The following DOCK4 variants were observed in gnomAD, a reference collection of about 807,000 sequenced individuals.
The protein encoded by DOCK4 is dedicator of cytokinesis protein 4.
Under a neutral mutation model 268.1 loss-of-function variants are expected in DOCK4, and 97 were observed. The observed-to-expected ratio is 0.36, with a 90% CI of 0.31 to 0.43. DOCK4 has a LOEUF of 0.43. Among genes scored for constraint, DOCK4 ranks in the 20% least tolerant of loss-of-function variants. The pLI is 1.00. For synonymous variants in DOCK4, 954 were observed against 887.2 expected, an observed-to-expected ratio of 1.08 and a Z score of -1.34; for missense variants, 2,145 against 2,455.7, an observed-to-expected ratio of 0.87 and a Z score of 2.67.
At chr7:111,929,745 C>G (rs1161580822) in intron 12 of DOCK4, among the ~76,000 whole-genome samples, 1 of 149,224 alleles carries the variant, frequency 6.7e-6, no homozygotes, top group Non-Finnish European at 1.5e-5. Context: ...AAAAGTATAG[C>G]TGGCAGGAAT....
At chr7:111,951,827 G>A (rs2134883254) in intron 8 of DOCK4, among the ~76,000 whole-genome samples, 1 of 151,978 alleles carries the variant, frequency 6.6e-6, no homozygotes, top group South Asian at 2.1e-4. Context: ...TCGCACCACT[G>A]TACTCCAGTG....
intron 1 of DOCK4, among the ~76,000 whole-genome samples, chr7:112,125,195 T>C (rs1813097025): frequency 6.6e-6 from 1 of 152,172 alleles, no homozygotes; most frequent in Non-Finnish European, 1.5e-5. Flanking sequence ...TGAATTAAAT[T>C]ACAGTGTGTC....
At chr7:111,742,284 G>T (rs1163208729) in intron 44 of DOCK4, among the ~76,000 whole-genome samples, 152 bp from the exon 45 acceptor site, 1 of 152,198 alleles carries the variant, frequency 6.6e-6, no homozygotes, top group Non-Finnish European at 1.5e-5. Flanking sequence ...CTTTACAGGT[G>T]AAGAAAAACT....
chr7:112,147,795 ATTTTTTTTTTTTTT>A (rs553280609), intron 1 of DOCK4, among the ~76,000 whole-genome samples: 11 of 102,860 alleles, frequency 1.1e-4, no homozygotes, highest in African/African-American at 3.4e-4. Context: ...GCAAACGTAG[ATTTTTTTTTTTTTT>A]TTTTTTTTTT....
chr7:112,104,623 T>C (rs746753392), intron 1 of DOCK4, among the ~76,000 whole-genome samples: 3 of 152,172 alleles, frequency 2.0e-5, no homozygotes, highest in Non-Finnish European at 4.4e-5. Flanking sequence ...GAGAGCATAA[T>C]TTGAATGGAC....
At chr7:111,870,312 CTTTTTCTTTTCTTTTTTT>C (rs1291392844) in intron 20 of DOCK4, among the ~76,000 whole-genome samples, 1 of 146,958 alleles carries the variant, frequency 6.8e-6, no homozygotes, top group Non-Finnish European at 1.5e-5. Context: ...TCTCTTTTTT[CTTTTTCTTTTCTTTTTTT>C]TTTTTTTTTT....
chr7:112,108,550 T>A (rs1033102039), intron 1 of DOCK4, among the ~76,000 whole-genome samples: 3 of 152,228 alleles, frequency 2.0e-5, no homozygotes, highest in African/African-American at 7.2e-5. Flanking sequence ...TGGGTCACCC[T>A]GCTGGCAATA....
At chr7:112,111,297 G>A (rs185113927) in intron 1 of DOCK4, among the ~76,000 whole-genome samples, 4 of 152,268 alleles carry the variant, frequency 2.6e-5, no homozygotes, top group African/African-American at 9.6e-5. Flanking sequence ...GAGGATGCTA[G>A]GGGTATGACC....
Position 111,729,573 on chromosome 7 carries a change from A to G in DOCK4, c.5482-853T>C, listed in dbSNP as rs1220445337. On this transcript the variant is annotated intron_variant, in intron 52 of 52. Transcript: ENST00000428084. ...AAAAAATAAATAAAGGTATCCACCA[A>G]GATAATCTGGAGGCACACATTAGTC... Among the ~76,000 whole-genome samples the G allele has an allele frequency of 2.6e-5, 4 of 152,248 alleles. No individual in the cohort carries two copies. The South Asian group carries it at 8.3e-4, about 32-fold the overall frequency.
chr7:112,046,020 A>G (rs757273636), intron 1 of DOCK4, among the ~76,000 whole-genome samples: 2 of 152,220 alleles, frequency 1.3e-5, no homozygotes, highest in Non-Finnish European at 2.9e-5. Flanking sequence ...GGCATATGGA[A>G]CTGCTGCTTA....
At chr7:112,138,516 C>A (rs1814577314) in intron 1 of DOCK4, among the ~76,000 whole-genome samples, 1 of 152,144 alleles carries the variant, frequency 6.6e-6, no homozygotes, top group African/African-American at 2.4e-5. Flanking sequence ...CATATTCAGG[C>A]AGCACATGTT....
intron 44 of DOCK4, among the ~76,000 whole-genome samples, chr7:111,743,708 CAGG>C (rs1374722774): frequency 1.3e-5 from 2 of 152,134 alleles, no homozygotes; most frequent in African/African-American, 4.8e-5. Flanking sequence ...TGATGCCTGT[CAGG>C]GGGAGGGACA....
chr7:111,964,893 C>A (rs1433213294), intron 8 of DOCK4, among the ~76,000 whole-genome samples: 1 of 123,972 alleles, frequency 8.1e-6, no homozygotes, highest in South Asian at 2.9e-4. Context: ...AGAGTGGGGG[C>A]CAATATTCAA....
chr7:112,174,501 A>G (rs970158894), intron 1 of DOCK4, among the ~76,000 whole-genome samples: 4 of 151,980 alleles, frequency 2.6e-5, no homozygotes, highest in African/African-American at 9.7e-5. Context: ...TTATCATCAC[A>G]TCGTAACTAC....
At chr7:112,029,327 G>T (rs1261405389) in intron 1 of DOCK4, among the ~76,000 whole-genome samples, 2 of 152,196 alleles carry the variant, frequency 1.3e-5, no homozygotes, top group East Asian at 3.8e-4. Flanking sequence ...GGCAACCCTA[G>T]AGAAGAAAGA....
At chr7:112,113,397 A>AT (rs900756026) in intron 1 of DOCK4, among the ~76,000 whole-genome samples, 3 of 152,080 alleles carry the variant, frequency 2.0e-5, no homozygotes, top group Non-Finnish European at 4.4e-5. Context: ...ACCACAAAAG[A>AT]TTTTTTTTAA....
At chr7:111,875,102 C>A (rs1053485367) in intron 17 of DOCK4, among the ~76,000 whole-genome samples, 4 of 152,196 alleles carry the variant, frequency 2.6e-5, no homozygotes, top group Non-Finnish European at 5.9e-5. Context: ...TTGAAACATG[C>A]ATTTCCTGGC....
chr7:111,954,963 G>C (rs1404349122), intron 8 of DOCK4, among the ~76,000 whole-genome samples: 1 of 152,166 alleles, frequency 6.6e-6, no homozygotes, highest in Admixed American at 6.5e-5. Context: ...GGACCTAAAA[G>C]CTTCCTGTTT....
At chr7:112,076,145 A>G (rs545132368) in intron 1 of DOCK4, among the ~76,000 whole-genome samples, 3 of 152,268 alleles carry the variant, frequency 2.0e-5, no homozygotes, top group African/African-American at 7.2e-5. Flanking sequence ...ACTACAGGAA[A>G]CTATTTTGTT....
Sources: allele counts gnomAD v4.1 joint callset (sites outside exome capture counted in the v4.1 genomes callset), GRCh38; gene constraint gnomAD v4.1.1; transcripts MANE v1.5; gene names NCBI Gene and HGNC (gene_info 2026-07-23, HGNC 2026-07-21).